Variants in FAM20C observed in about 807,000 individuals in gnomAD.
The protein encoded by FAM20C is extracellular serine/threonine protein kinase FAM20C.
FAM20C carries 40 observed loss-of-function variants against 51.5 expected under a neutral mutation model. The ratio of observed to expected loss-of-function variants is 0.78; its 90% CI spans 0.60 to 1.01. The LOEUF (loss-of-function observed/expected upper bound fraction) is 1.01. Among genes scored for constraint, FAM20C ranks in the 50% least tolerant of loss-of-function variants. The pLI, the probability that FAM20C is intolerant of heterozygous loss-of-function variation, is 0.00. For missense variants in FAM20C, 861 were observed against 844.7 expected (o/e 1.02, Z -0.24); for synonymous variants, 406 against 380.6 (o/e 1.07, Z -0.78).
intron 3 of FAM20C, among the ~76,000 whole-genome samples, chr7:241,589 C>A (rs1363272120): frequency 6.7e-6 from 1 of 150,104 alleles, no homozygotes; most frequent in Non-Finnish European, 1.5e-5. Context: ...TGCACTCCTG[C>A]GAGTGTGCAT....
chr7:195,831 T>TAATGAGCAACGGCC, intron 2 of FAM20C, 99 bp downstream of exon 2: 1 of 1,221,984 alleles, frequency 8.2e-7, no homozygotes, highest in Non-Finnish European at 1.1e-6. Context: ...TGGGAGGCCG[T>TAATGAGCAACGGCC]TGCTCATTAC....
intron 9 of FAM20C, among the ~76,000 whole-genome samples, chr7:259,291 C>T (rs1788773777): frequency 6.6e-6 from 1 of 152,226 alleles, no homozygotes. Flanking sequence ...GGGAAATACA[C>T]CGGCCACCAC....
intron 2 of FAM20C, 41 bp from the exon 3 acceptor site, chr7:208,857 A>G (rs370528687): frequency 1.3e-6 from 2 of 1,546,924 alleles, no homozygotes; most frequent in African/African-American, 1.4e-5. Flanking sequence ...AAGGGGCGTG[A>G]GGCCAGAGAG....
intron 1 of FAM20C, 110 bp downstream of exon 1, chr7:193,914 AG>A: frequency 7.2e-7 from 1 of 1,397,984 alleles, no homozygotes; most frequent in Non-Finnish European, 9.4e-7. Context: ...GAGGCCGGGC[AG>A]GGAGTGTGGT....
chr7:226,341 G>T (rs1486361543), intron 3 of FAM20C, among the ~76,000 whole-genome samples: 4 of 152,162 alleles, frequency 2.6e-5, no homozygotes, highest in African/African-American at 9.7e-5. Flanking sequence ...CAGTGCAGGG[G>T]GTGGAAGGTT....
chr7:247,665 G>A (rs1788221988), intron 4 of FAM20C, among the ~76,000 whole-genome samples: 1 of 138,908 alleles, frequency 7.2e-6, no homozygotes, highest in South Asian at 2.1e-4. Flanking sequence ...AACCCAAAAA[G>A]GGCTTTTTAT....
At chr7:212,045 T>G (rs940642716) in intron 3 of FAM20C, among the ~76,000 whole-genome samples, 1 of 152,200 alleles carries the variant, frequency 6.6e-6, no homozygotes, top group African/African-American at 2.4e-5. Flanking sequence ...CCTGATGACC[T>G]ATGGGGGCTG....
At chr7:222,130 C>T (rs911928284) in intron 3 of FAM20C, among the ~76,000 whole-genome samples, 1 of 152,228 alleles carries the variant, frequency 6.6e-6, no homozygotes, top group African/African-American at 2.4e-5. Flanking sequence ...TGTGGGGAGC[C>T]AGAAGTGCGC....
intron 3 of FAM20C, among the ~76,000 whole-genome samples, chr7:215,246 CCCTGGTGTATGGAGAGGATGGAGCTGGGT>C (rs1301468840): frequency 1.9e-4 from 24 of 125,164 alleles, no homozygotes; most frequent in Non-Finnish European, 3.6e-4. Flanking sequence ...GGAGCAGGGC[CCCTGGTGTATGGAGAGGATGGAGCTGGGT>C]GGGGGGAGCA....
intron 3 of FAM20C, among the ~76,000 whole-genome samples, chr7:218,029 C>T (rs945352369): frequency 1.3e-5 from 2 of 152,162 alleles, no homozygotes; most frequent in Admixed American, 6.5e-5. Flanking sequence ...GTTAGCAGGA[C>T]GTGTGAGGCC....
chr7:198,068 G>T (rs1174499252), intron 2 of FAM20C, among the ~76,000 whole-genome samples: 1 of 152,212 alleles, frequency 6.6e-6, no homozygotes, highest in Non-Finnish European at 1.5e-5. Flanking sequence ...CTGAAGGCCT[G>T]CCCCAGCTGA....
At chr7:230,776 TG>T (rs1787639483) in intron 3 of FAM20C, among the ~76,000 whole-genome samples, 1 of 43,340 alleles carries the variant, frequency 2.3e-5, no homozygotes, top group Non-Finnish European at 1.0e-4. Flanking sequence ...GGAAAATTCC[TG>T]TGTGTTTACT....
intron 2 of FAM20C, among the ~76,000 whole-genome samples, chr7:197,941 G>A (rs913473104): frequency 6.6e-6 from 1 of 152,220 alleles, no homozygotes; most frequent in Non-Finnish European, 1.5e-5. Context: ...CCGGGGCAGT[G>A]GTGCCCAGGC....
intron 2 of FAM20C, among the ~76,000 whole-genome samples, chr7:208,417 T>A (rs1224877743): frequency 6.7e-6 from 1 of 148,554 alleles, no homozygotes; most frequent in African/African-American, 2.5e-5. Context: ...TGCTGATGTG[T>A]GTGGGTGTAT....
In FAM20C at chr7:256,043, C is replaced by G. The variant is rs1371635740; in HGVS notation, c.1253+14C>G. The G allele has an allele frequency of 6.5e-7, 1 of 1,532,146 alleles. No homozygotes were observed. Among genetic ancestry groups the G allele is most frequent in the Non-Finnish European group, 8.7e-7 (1 of 1,145,006 alleles). 94.9% of individuals were successfully genotyped at this position (1,532,146 alleles called of 1,614,324 possible). ...CAAGAAGGCCGAGTGAGTGCGGGGCCGGGGGGCTGGCGTCCGGCCACCCTA... is the reference window on the plus strand; with the variant it reads ...CAAGAAGGCCGAGTGAGTGCGGGGCGGGGGGGCTGGCGTCCGGCCACCCTA... On this transcript the variant is annotated intron_variant, in intron 6 of 9. Transcript: ENST00000313766.
intron 3 of FAM20C, among the ~76,000 whole-genome samples, chr7:224,252 C>T (rs1187309537): frequency 2.5e-5 from 2 of 79,822 alleles, no homozygotes; most frequent in African/African-American, 9.8e-5. Context: ...GGCACTGTCA[C>T]GGGGTCGCAT....
At position 193,464 on chromosome 7, in the gene FAM20C, C is replaced by G; in HGVS notation, c.265C>G (p.Arg89Gly). 4 of 1,480,328 alleles carry G rather than the reference C, an allele frequency of 2.7e-6. No homozygotes were observed. The highest frequency in any genetic ancestry group is 3.6e-6 in the Non-Finnish European group (4 of 1,110,132). 91.7% of individuals were successfully genotyped at this position (1,480,328 alleles called of 1,614,324 possible). A position where few individuals can be genotyped will look rare whatever the true frequency, so the allele number is the denominator to read the frequency against. The change falls in exon 1 of 10, where the codon CGC (arginine) becomes GGC (glycine). Residue 89 changes from arginine (R) to glycine (G), a missense_variant. Coordinates refer to ENST00000313766, the MANE Select transcript of FAM20C (RefSeq NM_020223.4). ...GGGCTGGCCCAACAAGCACACGCTCCGCATCCTGCAGGACTTCAGCTCCGA... is the reference window on the plus strand; with the variant it reads ...GGGCTGGCCCAACAAGCACACGCTCGGCATCCTGCAGGACTTCAGCTCCGA... ...DAGWPNKHTL[R>G]ILQDFSSDPS...
At chr7:217,014 G>A (rs1758631701) in intron 3 of FAM20C, among the ~76,000 whole-genome samples, 1 of 152,090 alleles carries the variant, frequency 6.6e-6, no homozygotes. Context: ...GCGTGAAGAG[G>A]CCCTGTGTCA....
chr7:229,097 A>C, intron 3 of FAM20C: 1 of 325,418 alleles, frequency 3.1e-6, no homozygotes, highest in Non-Finnish European at 5.9e-6. Flanking sequence ...AGAAGCAGGG[A>C]AATGTCCCAC....
Sources: gnomAD v4.1 joint callset for allele counts (sites outside exome capture counted in the v4.1 genomes callset) on GRCh38, gnomAD v4.1.1 for gene constraint, MANE v1.5 for transcripts, NCBI Gene and HGNC (gene_info 2026-07-23, HGNC 2026-07-21) for gene names.